Variants in ZNF566 observed in about 807,000 individuals in gnomAD.
The protein encoded by ZNF566 is zinc finger protein 566.
ZNF566 carries 27 observed loss-of-function variants against 32.8 expected under a neutral mutation model. The ratio of observed to expected loss-of-function variants is 0.82; its 90% confidence interval spans 0.61 to 1.14. The LOEUF is 1.14. Ranked by LOEUF, ZNF566 falls within the 50% of genes most tolerant of loss-of-function variation. ZNF566 has a pLI of 0.00. For synonymous variants in ZNF566, 154 were observed against 159.5 expected (o/e 0.97, Z 0.26); for missense variants, 402 against 490.4 (o/e 0.82, Z 1.70).
Position 36,445,445 on chromosome 19 carries a change from T to C in ZNF566, c.*3532A>G, listed in dbSNP as rs2032969741. 1 of 152,192 alleles carries C rather than the reference T, an allele frequency of 6.6e-6. No individual in the cohort carries two copies. The highest frequency in any genetic ancestry group is 2.1e-4 in the South Asian group (1 of 4,836). 9.4% of individuals were successfully genotyped at this position (152,192 alleles called of 1,614,324 possible). A position where few individuals can be genotyped will look rare whatever the true frequency, so the allele number is the denominator to read the frequency against. On this transcript the variant is annotated 3_prime_UTR_variant, in exon 5 of 5. Coordinates refer to ENST00000452939, the MANE Select transcript of ZNF566 (RefSeq NM_001145344.1). The stretch of plus-strand genomic sequence containing the variant: ...ATACACACTCACAGAATCACATATA[T>C]GAAAAACTGCACTCCACTCCTTTAT...
chr19:36,465,318 T>C (rs2033584021), intron 4 of ZNF566, among the ~76,000 whole-genome samples: 1 of 152,220 alleles, frequency 6.6e-6, no homozygotes, highest in African/African-American at 2.4e-5. Flanking sequence ...TGGCATCACC[T>C]TGCAAAGCTG....
intron 1 of ZNF566, among the ~76,000 whole-genome samples, chr19:36,488,300 G>A (rs1195513895): frequency 6.6e-6 from 1 of 152,066 alleles, no homozygotes; most frequent in African/African-American, 2.4e-5. Flanking sequence ...TCACTATGTT[G>A]CCCAGGCTGG....
chr19:36,475,708 G>A (rs948172161), intron 2 of ZNF566, among the ~76,000 whole-genome samples: 6 of 152,036 alleles, frequency 3.9e-5, no homozygotes, highest in South Asian at 2.1e-4. Flanking sequence ...GTTTAAAAGC[G>A]GGGGGCGGCG....
rs2033042631 is a variant in ZNF566 at position 36,448,143 on chromosome 19, C to T, written c.*834G>A. The T allele has an allele frequency of 2.0e-5, 3 of 152,000 alleles. No homozygotes were observed. The highest frequency in any genetic ancestry group is 1.3e-4 in the Admixed American group (2 of 15,246). 9.4% of individuals were successfully genotyped at this position (152,000 alleles called of 1,614,324 possible). ...AAATAATGAACTGATAAAGACTATCCTTTGGGATATGGTCAAAGGGTACAT... is the reference window on the plus strand; with the variant it reads ...AAATAATGAACTGATAAAGACTATCTTTTGGGATATGGTCAAAGGGTACAT... On this transcript the variant is annotated 3_prime_UTR_variant, in exon 5 of 5. Transcript: ENST00000452939.
At chr19:36,465,483 CT>C (rs35816698) in intron 4 of ZNF566, among the ~76,000 whole-genome samples, 3 of 150,266 alleles carry the variant, frequency 2.0e-5, no homozygotes, top group Admixed American at 6.6e-5. Flanking sequence ...TTTATAAATA[CT>C]TTTTTTTTTG....
chr19:36,476,497 G>A, intron 2 of ZNF566, 52 bp downstream of exon 2: 3 of 1,504,606 alleles, frequency 2.0e-6, no homozygotes, highest in Non-Finnish European at 2.8e-6. Context: ...AATGTTTACA[G>A]TTACTAGAAG....
chr19:36,479,751 C>CA (rs1456144474), intron 1 of ZNF566, among the ~76,000 whole-genome samples: 1 of 152,242 alleles, frequency 6.6e-6, no homozygotes, highest in Non-Finnish European at 1.5e-5. Flanking sequence ...TCTCCCACCC[C>CA]AGCCTCCTGA....
chr19:36,475,881 GGAAA>G (rs1375333174), intron 2 of ZNF566, among the ~76,000 whole-genome samples: 87 of 152,102 alleles, frequency 5.7e-4, no homozygotes, highest in East Asian at 9.6e-4. Flanking sequence ...ATCTCTTTAT[GGAAA>G]GAAAGAAATA....
chr19:36,489,517 A>C lies in ZNF566; in HGVS notation c.-91T>G. The C allele has an allele frequency of 2.9e-6, 1 of 347,852 alleles. No individual in the cohort carries two copies. Among genetic ancestry groups the C allele is most frequent in the South Asian group, 2.2e-5 (1 of 46,092 alleles). The allele number at this position is 347,852 out of a possible 1,614,324, so 21.5% of individuals were successfully genotyped here. Reference sequence around the variant, plus strand: ...TCGAAGCAGCAGAACCCTCCCCGGCACTGGGGTAGTTGCTGGTAAAGCCCT... The same window carrying C: ...TCGAAGCAGCAGAACCCTCCCCGGCCCTGGGGTAGTTGCTGGTAAAGCCCT... On this transcript the variant is annotated 5_prime_UTR_variant, in exon 1 of 5. Transcript: ENST00000452939.
rs75542687 is a variant in ZNF566, at chr19:36,471,505, C to T, written c.232+1406G>A. Among the ~76,000 whole-genome samples the T allele has an allele frequency of 1.4e-3, 213 of 152,186 alleles. 4 individuals are homozygous for T. In the East Asian group the frequency reaches 0.02, roughly 14 times the overall value. On this transcript the variant is annotated intron_variant, in intron 4 of 4. Coordinates refer to ENST00000452939, the MANE Select transcript of ZNF566 (RefSeq NM_001145344.1). ...CATTCCTCCATCTGGAGTGGTCCTC[C>T]GCCCAGTACAGTAACTTACTATGGT... is the stretch of plus-strand genomic sequence containing the variant.
At position 36,472,935 on chromosome 19, in the gene ZNF566, C is replaced by T. The variant is rs2033801641; in HGVS notation, c.208G>A (p.Glu70Lys). Residue 70 changes from glutamate to lysine, a missense_variant, in exon 4 of 5, where the codon GAG (glutamate) becomes AAG (lysine). Glu to Lys is a moderately conservative substitution (Grantham distance 56). This residue lies in a region of ZNF566 where 220 missense variants were observed against 241.9 expected (regional missense o/e 0.91). Coordinates refer to ENST00000452939, the MANE Select transcript of ZNF566 (RefSeq NM_001145344.1). The part of the protein sequence containing the change: ...QGKEPWLADR[E>K]LTRGQWPVLE... ...CCTGGCCACTGGCCTCTTGTTAGCT[C>T]TCTGTCAGCCAACCAGGGCTCCTTC... 2.5e-6 allele frequency: 4 copies of T among 1,613,918 alleles called. No homozygotes were observed. The highest frequency in any genetic ancestry group is 1.3e-5 in the African/African-American group (1 of 74,934).
rs1555775216 is a variant in ZNF566, at chr19:36,481,491, A to AAAAAG, written c.-59-4880_-59-4876dup. 3.2e-3 allele frequency among the ~76,000 whole-genome samples: 432 copies of AAAAAG among 134,986 alleles called. 20 individuals are homozygous for AAAAAG. The highest frequency in any genetic ancestry group is 5.9e-3 in the South Asian group (24 of 4,102). 88.6% of individuals were successfully genotyped at this position (134,986 alleles called of 152,430 possible). A position where few individuals can be genotyped will look rare whatever the true frequency, so the allele number is the denominator to read the frequency against. ...GTCTCGGGAAAAAAAAAAAAAAAAA[A>AAAAAG]AAAAGAAAAGAACACTGAGGTACTA... On this transcript the variant is annotated intron_variant, in intron 1 of 4. Transcript: ENST00000452939.
intron 1 of ZNF566, among the ~76,000 whole-genome samples, chr19:36,478,523 ACTC>A (rs1249534384): frequency 1.3e-5 from 2 of 149,360 alleles, no homozygotes; most frequent in Non-Finnish European, 3.0e-5. Context: ...CATTCTCAAC[ACTC>A]CTCATCTTTG....
chr19:36,450,275 T>C (rs112299419), intron 4 of ZNF566, among the ~76,000 whole-genome samples: 3 of 152,214 alleles, frequency 2.0e-5, no homozygotes, highest in African/African-American at 7.2e-5. Flanking sequence ...AGGATGACTC[T>C]AATCATACAC....
chr19:36,462,381 C>T (rs892272876), intron 4 of ZNF566, among the ~76,000 whole-genome samples: 8 of 152,018 alleles, frequency 5.3e-5, no homozygotes, highest in African/African-American at 1.7e-4. Context: ...CCTGGAGCTC[C>T]CCTATTCAGT....
chr19:36,467,905 G>T (rs2033664282), intron 4 of ZNF566, among the ~76,000 whole-genome samples: 1 of 151,158 alleles, frequency 6.6e-6, no homozygotes, highest in African/African-American at 2.4e-5. Context: ...CAAAGTTTGG[G>T]CTGGGCATGG....
chr19:36,463,166 C>T (rs1017278304), intron 4 of ZNF566, among the ~76,000 whole-genome samples: 4 of 150,538 alleles, frequency 2.7e-5, no homozygotes, highest in Admixed American at 6.7e-5. Context: ...TAGCTGGGCA[C>T]GGTGGCACAT....
chr19:36,458,245 A>G (rs1346687526), intron 4 of ZNF566, among the ~76,000 whole-genome samples: 2 of 83,920 alleles, frequency 2.4e-5, no homozygotes, highest in African/African-American at 9.9e-5. Flanking sequence ...ATATGTATAC[A>G]CACACACATA....
rs543156832 is a variant in ZNF566 at position 36,452,078 on chromosome 19, C to T, written c.233-2077G>A. On this transcript the variant is annotated intron_variant, in intron 4 of 4. Coordinates refer to ENST00000452939, the MANE Select transcript of ZNF566 (RefSeq NM_001145344.1). ...GGGGACATTAGGCCCGACCCCTTGA[C>T]TCGTTAAAAAAAAAAAAGGGAGAAT... Among the ~76,000 whole-genome samples, 204 of 149,262 alleles carry T rather than the reference C, an allele frequency of 1.4e-3. 2 individuals carry two copies. The highest frequency in any genetic ancestry group is 4.9e-3 in the African/African-American group (197 of 40,508).
Sources: gnomAD v4.1 joint callset for allele counts (sites outside exome capture counted in the v4.1 genomes callset) on GRCh38, gnomAD v4.1.1 for gene constraint, gnomAD v4.1.1 regional missense constraint, MANE v1.5 for transcripts, NCBI Gene and HGNC (gene_info 2026-07-23, HGNC 2026-07-21) for gene names.